ERGIC3: variants seen among roughly 807,000 people sequenced by gnomAD.
ERGIC3 encodes the protein endoplasmic reticulum-Golgi intermediate compartment protein 3.
In ERGIC3, 33 loss-of-function variants were observed where a neutral mutation model predicts 54.7. That is an observed-to-expected ratio of 0.60 (90% CI 0.46 to 0.81). ERGIC3 has a LOEUF of 0.81. ERGIC3 is among the 30% of genes least tolerant of loss of function. ERGIC3 has a pLI of 0.00. For missense variants in ERGIC3, 399 were observed against 488.4 expected (o/e 0.82, Z 1.73); for synonymous variants, 186 against 189.8 (o/e 0.98, Z 0.16).
In ERGIC3 at chr20:35,556,069, G is replaced by T; in HGVS notation, c.754G>T (p.Gly252Trp). ...CCACTACATCCAGCACCTGTCATTT[G>T]GGGAGGACTATCCAGGCATTGTGAA... ...MTHYIQHLSF[G>W]EDYPGIVNPL... Residue 252 changes from glycine to tryptophan, a missense_variant, in exon 9 of 13, where the codon GGG becomes TGG. Coordinates refer to ENST00000348547, the MANE Select transcript of ERGIC3 (RefSeq NM_015966.3). 1 of 1,614,100 alleles carries T rather than the reference G, an allele frequency of 6.2e-7. No homozygotes were observed. The highest frequency in any genetic ancestry group is 8.5e-7 in the Non-Finnish European group (1 of 1,180,010).
At chr20:35,557,285 G>A in intron 12 of ERGIC3, 36 bp downstream of exon 12, 4 of 1,613,922 alleles carry the variant, frequency 2.5e-6, no homozygotes, top group Non-Finnish European at 3.4e-6. Context: ...CTGTGGGGTG[G>A]GGAGGGTAAA....
At chr20:35,543,137 A>AG in intron 4 of ERGIC3, 196 bp downstream of exon 4, 3 of 611,982 alleles carry the variant, frequency 4.9e-6, no homozygotes, top group Non-Finnish European at 8.3e-6. Flanking sequence ...CGAGTCAGGT[A>AG]ATCTACCTGG....
At chr20:35,543,014 C>A (rs1464859227) in intron 4 of ERGIC3, 73 bp downstream of exon 4, 1 of 1,602,322 alleles carries the variant, frequency 6.2e-7, no homozygotes, top group Non-Finnish European at 8.5e-7. Context: ...AGCAAGTGAA[C>A]TGTGGCAGGC....
At chr20:35,556,359 AAGCT>A (rs1218014933) in intron 10 of ERGIC3, 88 bp downstream of exon 10, 1 of 1,400,672 alleles carries the variant, frequency 7.1e-7, no homozygotes, top group Admixed American at 1.7e-5. Context: ...TGGGGAGTGA[AAGCT>A]GCCTCGTCCT....
chr20:35,553,019 G>GGTT (rs2064689546), intron 7 of ERGIC3, among the ~76,000 whole-genome samples: 4 of 12,630 alleles, frequency 3.2e-4, no homozygotes, highest in Admixed American at 1.1e-3. Flanking sequence ...CAAAGCTGGG[G>GGTT]ATTTTTTTTT....
chr20:35,554,141 G>C (rs1454949473), intron 7 of ERGIC3, among the ~76,000 whole-genome samples: 1 of 152,242 alleles, frequency 6.6e-6, no homozygotes, highest in East Asian at 1.9e-4. Context: ...TCAGGAACTT[G>C]GCTCTTTGAG....
chr20:35,554,188 T>C (rs138347067), intron 7 of ERGIC3, among the ~76,000 whole-genome samples: 1,702 of 152,222 alleles, frequency 0.011, 10 homozygotes, highest in Middle Eastern at 0.065. Flanking sequence ...ACTATTTTGC[T>C]CCTCTCTGGC....
intron 7 of ERGIC3, chr20:35,549,505 G>A (rs1299879981): frequency 4.0e-6 from 1 of 249,512 alleles, no homozygotes; most frequent in African/African-American, 2.3e-5. Flanking sequence ...TGAACAATCT[G>A]TGCCCTCAGA....
In ERGIC3 at chr20:35,556,409, TG is replaced by T. The variant is rs2064712755; in HGVS notation, c.879+143del. ...ATAAAAGACTGAGGCACAGAGAGGG[TG>T]GGGGATTTGCCCTCCCAGGCAGAGT... On this transcript the variant is annotated intron_variant, in intron 10 of 12. Transcript: ENST00000348547. 13 of 926,176 alleles carry T rather than the reference TG, an allele frequency of 1.4e-5. No homozygotes were observed. In the South Asian group the frequency reaches 1.5e-4, roughly 11 times the overall value. The allele number at this position is 926,176 out of a possible 1,614,324, so 57.4% of individuals were successfully genotyped here.
At chr20:35,547,325 C>T in intron 4 of ERGIC3, 87 bp from the exon 5 acceptor site, 1 of 963,706 alleles carries the variant, frequency 1.0e-6, no homozygotes, top group South Asian at 1.3e-5. Flanking sequence ...TTTTATTATC[C>T]CTAAGCAAAG....
intron 4 of ERGIC3, chr20:35,543,489 G>A (rs2064628820): frequency 7.4e-6 from 3 of 404,674 alleles, no homozygotes; most frequent in Admixed American, 3.0e-5. Context: ...TGTGTAAAAT[G>A]CCTGGTACAG....
At chr20:35,555,658 A>G (rs1161366059) in intron 8 of ERGIC3, among the ~76,000 whole-genome samples, 1 of 151,990 alleles carries the variant, frequency 6.6e-6, no homozygotes, top group Non-Finnish European at 1.5e-5. Context: ...GTATTTTAAG[A>G]AATCTGGAAC....
chr20:35,547,706 G>A (rs1327346577), intron 5 of ERGIC3, among the ~76,000 whole-genome samples: 1 of 152,234 alleles, frequency 6.6e-6, no homozygotes, highest in East Asian at 1.9e-4. Flanking sequence ...ACCTAGAGAT[G>A]AAGCTGAAGT....
At chr20:35,556,745 A>G in intron 10 of ERGIC3, 2 of 614,754 alleles carry the variant, frequency 3.3e-6, no homozygotes, top group Non-Finnish European at 5.8e-6. Flanking sequence ...TGCTGCCAGG[A>G]TAGGTAAACT....
intron 7 of ERGIC3, among the ~76,000 whole-genome samples, chr20:35,553,020 A>ATTTTTTTTTTTTTTTTTATTTTT (rs2064689981): frequency 2.4e-5 from 1 of 41,552 alleles, no homozygotes; most frequent in African/African-American, 8.3e-5. Context: ...AAAGCTGGGG[A>ATTTTTTTTTTTTTTTTTATTTTT]TTTTTTTTTT....
chr20:35,542,948 A>C lies in ERGIC3; in HGVS notation c.367+7A>C, dbSNP rs769870172. 5 of 1,613,594 alleles carry C rather than the reference A, an allele frequency of 3.1e-6. No individual in the cohort carries two copies. Among genetic ancestry groups the C allele is most frequent in the Non-Finnish European group, 3.4e-6 (4 of 1,179,782 alleles). ...TCAGAGGCTGAGCGGCATGGTAACC[A>C]GGGGAGGGGGCCGGGTCTCAGATCC... On this transcript the variant is annotated splice_region_variant and intron_variant, in intron 4 of 12. Transcript: ENST00000348547.
At chr20:35,551,503 G>A (rs898647616) in intron 7 of ERGIC3, among the ~76,000 whole-genome samples, 2 of 152,184 alleles carry the variant, frequency 1.3e-5, no homozygotes, top group African/African-American at 4.8e-5. Flanking sequence ...CTTGCCTGGA[G>A]ATGCAGATGT....
chr20:35,542,421 G>C, intron 2 of ERGIC3, 28 bp downstream of exon 2: 1 of 1,613,876 alleles, frequency 6.2e-7, no homozygotes, highest in Non-Finnish European at 8.5e-7. Context: ...GTGCGTGGGC[G>C]GGGCTTGGCA....
chr20:35,551,867 TG>T (rs1273975713), intron 7 of ERGIC3, among the ~76,000 whole-genome samples: 1 of 152,054 alleles, frequency 6.6e-6, no homozygotes. Flanking sequence ...GGGGAGGAGT[TG>T]GAGCCAGTAT....
Sources: allele counts gnomAD v4.1 joint callset (sites outside exome capture counted in the v4.1 genomes callset), GRCh38; gene constraint gnomAD v4.1.1; transcripts MANE v1.5; gene names NCBI Gene and HGNC (gene_info 2026-07-23, HGNC 2026-07-21).